DNM1L: variants seen among roughly 807,000 people sequenced by gnomAD.
The protein encoded by DNM1L is dynamin-1-like protein.
Under a neutral mutation model 92.8 loss-of-function variants are expected in DNM1L, and 33 were observed. The observed-to-expected ratio is 0.36, with a 90% CI of 0.27 to 0.48. The LOEUF (loss-of-function observed/expected upper bound fraction) is 0.48. Among genes scored for constraint, DNM1L ranks in the 20% least tolerant of loss-of-function variants. The pLI is 0.99. For synonymous variants in DNM1L, 284 were observed against 305.0 expected, an observed-to-expected ratio of 0.93 and a Z score of 0.72; for missense variants, 485 against 888.8, an observed-to-expected ratio of 0.55 and a Z score of 5.78.
At chr12:32,686,180 A>G (rs149728774) in intron 1 of DNM1L, among the ~76,000 whole-genome samples, 1,521 of 150,574 alleles carry the variant, frequency 0.01, 32 homozygotes, top group African/African-American at 0.034. Context: ...CCTCTCAAGT[A>G]GCTGGGATTA....
chr12:32,729,237 A>G (rs1954375056), intron 9 of DNM1L, among the ~76,000 whole-genome samples: 1 of 151,776 alleles, frequency 6.6e-6, no homozygotes, highest in South Asian at 2.1e-4. Context: ...GCGCACTACT[A>G]TGCCCGGCTA....
chr12:32,721,728 C>A (rs1200295042), intron 8 of DNM1L, among the ~76,000 whole-genome samples: 1 of 152,052 alleles, frequency 6.6e-6, no homozygotes, highest in East Asian at 1.9e-4. Context: ...AGGGTTCAGT[C>A]CCACAAGACT....
chr12:32,718,145 T>C (rs1319731976), intron 6 of DNM1L, among the ~76,000 whole-genome samples: 1 of 139,796 alleles, frequency 7.2e-6, no homozygotes, highest in East Asian at 2.1e-4. Flanking sequence ...ATATGTATAG[T>C]ATATATATAT....
At chr12:32,718,529 G>A (rs943683768) in intron 6 of DNM1L, 114 bp from the exon 7 acceptor site, 3 of 1,294,718 alleles carry the variant, frequency 2.3e-6, no homozygotes, top group East Asian at 2.3e-5. Context: ...GATGACAGAG[G>A]TAATACTAAG....
chr12:32,698,519 A>G (rs886209046), intron 1 of DNM1L, among the ~76,000 whole-genome samples: 8 of 152,312 alleles, frequency 5.3e-5, no homozygotes, highest in Admixed American at 2.0e-4. Context: ...AGCTTTGTAA[A>G]TAGTCCTTAT....
chr12:32,707,303 T>C, intron 2 of DNM1L, 64 bp from the exon 3 acceptor site: 5 of 1,360,112 alleles, frequency 3.7e-6, no homozygotes, highest in Non-Finnish European at 5.2e-6. Context: ...GTTGCCTTTT[T>C]GAATTCCTAA....
intron 1 of DNM1L, among the ~76,000 whole-genome samples, chr12:32,701,059 G>C (rs544469167): frequency 6.6e-6 from 1 of 152,288 alleles, no homozygotes; most frequent in South Asian, 2.1e-4. Flanking sequence ...TGGATCACCT[G>C]AGGTCGGGAG....
intron 2 of DNM1L, chr12:32,705,949 T>G (rs1952907418): frequency 7.8e-7 from 1 of 1,281,262 alleles, no homozygotes; most frequent in African/African-American, 1.5e-5. Context: ...GTGTGTATTT[T>G]TTTTTCTTCC....
chr12:32,686,563 G>T lies in DNM1L; in HGVS notation c.102+7098G>T, dbSNP rs73099769. ...TCACCTATTGATGAGCAATTGGGTT[G>T]TTTCTGCCTTTTAGCTGTTGTGAAT... On this transcript the variant is annotated intron_variant, in intron 1 of 19. Coordinates refer to ENST00000549701, the MANE Select transcript of DNM1L (RefSeq NM_012062.5). Among the ~76,000 whole-genome samples the T allele has an allele frequency of 9.4e-3, 1,432 of 152,268 alleles. 6 individuals are homozygous for T. The highest frequency in any genetic ancestry group is 0.015 in the Non-Finnish European group (1,042 of 68,010).
chr12:32,713,819 A>G (rs1382403258), intron 6 of DNM1L, among the ~76,000 whole-genome samples: 1 of 152,192 alleles, frequency 6.6e-6, no homozygotes, highest in Non-Finnish European at 1.5e-5. Flanking sequence ...GTTAAAAAAA[A>G]CCAAAACACA....
rs1224816181 is a variant in DNM1L at position 32,731,215 on chromosome 12, T to G, written c.1200+81T>G. 9 of 1,597,456 alleles carry G rather than the reference T, an allele frequency of 5.6e-6. No homozygotes were observed. Among genetic ancestry groups the G allele is most frequent in the Non-Finnish European group, 7.7e-6 (9 of 1,170,256 alleles). On this transcript the variant is annotated intron_variant, in intron 10 of 19. Transcript: ENST00000549701. The surrounding 1 kb of genome is among the most constrained non-coding windows in gnomAD (Gnocchi z 5.1). Reference sequence around the variant, plus strand: ...ACCCATATACTGTGTCTTTTTAAATTTAATTATACAGTTTATTTTGCTCTC... The same window carrying G: ...ACCCATATACTGTGTCTTTTTAAATGTAATTATACAGTTTATTTTGCTCTC...
At position 32,727,241 on chromosome 12, in the gene DNM1L, A is replaced by T. The variant is rs903220677; in HGVS notation, c.1080-3773A>T. 6 of 1,442,142 alleles carry T rather than the reference A, an allele frequency of 4.2e-6. No homozygotes were observed. In the African/African-American group the frequency reaches 7.0e-5, roughly 17 times the overall value. 89.3% of individuals were successfully genotyped at this position (1,442,142 alleles called of 1,614,324 possible). A position where few individuals can be genotyped will look rare whatever the true frequency, so the allele number is the denominator to read the frequency against. ...CAAATAGAGGCTGATAGAGAACAGC[A>T]TACTTCCTTTCAAGATCGTGAACTT... On this transcript the variant is annotated intron_variant, in intron 9 of 19. Transcript: ENST00000549701.
chr12:32,706,830 C>A, intron 2 of DNM1L: 1 of 373,756 alleles, frequency 2.7e-6, no homozygotes. Context: ...CAACAGGAAA[C>A]CAAATTTTTA....
intron 9 of DNM1L, among the ~76,000 whole-genome samples, chr12:32,724,275 T>C (rs183922711): frequency 3.9e-5 from 6 of 152,118 alleles, no homozygotes; most frequent in African/African-American, 1.4e-4. Context: ...CATCTACTTC[T>C]ATAAAAATAG....
chr12:32,724,587 AAAAAAAATATAT>A (rs1386929507), intron 9 of DNM1L, among the ~76,000 whole-genome samples: 148 of 72,030 alleles, frequency 2.1e-3, no homozygotes, highest in East Asian at 5.4e-3. Flanking sequence ...AAAAAAAAAA[AAAAAAAATATAT>A]ATATATATAT....
chr12:32,688,204 C>T (rs779685114), intron 1 of DNM1L, among the ~76,000 whole-genome samples: 52 of 152,114 alleles, frequency 3.4e-4, no homozygotes, highest in Non-Finnish European at 6.9e-4. Flanking sequence ...GGATTACAGG[C>T]GTGAGCCACT....
At chr12:32,714,472 C>T (rs1474047549) in intron 6 of DNM1L, among the ~76,000 whole-genome samples, 3 of 151,610 alleles carry the variant, frequency 2.0e-5, no homozygotes, top group Admixed American at 2.0e-4. Context: ...CGGGGTTTCA[C>T]CGTGTTAGCC....
At chr12:32,684,018 A>G (rs1282793146) in intron 1 of DNM1L, among the ~76,000 whole-genome samples, 1 of 152,220 alleles carries the variant, frequency 6.6e-6, no homozygotes, top group Non-Finnish European at 1.5e-5. Flanking sequence ...AACTTTTAAA[A>G]ATTTAACATT....
chr12:32,732,083 G>A, intron 12 of DNM1L, 140 bp downstream of exon 12: 2 of 671,608 alleles, frequency 3.0e-6, no homozygotes, highest in Non-Finnish European at 5.1e-6. Context: ...GGAAAAACAA[G>A]TTGAGTTTCA....
Sources: gnomAD v4.1 joint callset for allele counts (sites outside exome capture counted in the v4.1 genomes callset) on GRCh38, gnomAD v4.1.1 for gene constraint, Gnocchi (gnomAD v3.1) non-coding constraint, MANE v1.5 for transcripts, NCBI Gene and HGNC (gene_info 2026-07-23, HGNC 2026-07-21) for gene names.